PDGFD: variants seen among roughly 807,000 people sequenced by gnomAD.
The protein encoded by PDGFD is platelet derived growth factor D.
Under a neutral mutation model 44.7 loss-of-function variants are expected in PDGFD, and 30 were observed. That is an observed-to-expected ratio of 0.67 (90% CI 0.50 to 0.91). The LOEUF (loss-of-function observed/expected upper bound fraction) is 0.91, where lower values mean the gene tolerates loss of function less well. Ranked by LOEUF, PDGFD falls within the 40% of genes least tolerant of loss-of-function variation. PDGFD has a pLI of 0.00. For synonymous variants in PDGFD, 173 were observed against 168.4 expected, an observed-to-expected ratio of 1.03 and a Z score of -0.21; for missense variants, 445 against 457.8, an observed-to-expected ratio of 0.97 and a Z score of 0.25.
intron 1 of PDGFD, among the ~76,000 whole-genome samples, chr11:104,146,675 A>G (rs1200771774): frequency 6.6e-6 from 1 of 152,190 alleles, no homozygotes; most frequent in Non-Finnish European, 1.5e-5. Context: ...AAGCCTCATT[A>G]GCATCAAAGT....
At chr11:103,930,274 C>T (rs890147902) in intron 5 of PDGFD, among the ~76,000 whole-genome samples, 3 of 152,068 alleles carry the variant, frequency 2.0e-5, no homozygotes, top group Non-Finnish European at 4.4e-5. Context: ...TGCAGCCCTG[C>T]CTCTAGGTGC....
intron 5 of PDGFD, among the ~76,000 whole-genome samples, chr11:103,932,510 T>C (rs1858419768): frequency 6.6e-6 from 1 of 152,204 alleles, no homozygotes; most frequent in Admixed American, 6.5e-5. Context: ...GAAGCATCCA[T>C]ATTCAGGTGC....
chr11:103,930,958 C>T (rs1377164493), intron 5 of PDGFD, among the ~76,000 whole-genome samples: 1 of 152,182 alleles, frequency 6.6e-6, no homozygotes, highest in East Asian at 1.9e-4. Context: ...AATGCACACT[C>T]TTCCTTTTGT....
At chr11:104,103,568 T>C (rs901996683) in intron 1 of PDGFD, among the ~76,000 whole-genome samples, 6 of 150,790 alleles carry the variant, frequency 4.0e-5, no homozygotes, top group Non-Finnish European at 5.9e-5. Context: ...TGCACACATA[T>C]ACAGTCATAA....
intron 1 of PDGFD, among the ~76,000 whole-genome samples, chr11:104,093,444 C>T (rs1428365138): frequency 6.6e-6 from 1 of 152,098 alleles, no homozygotes; most frequent in Non-Finnish European, 1.5e-5. Flanking sequence ...TCTAGGCCTA[C>T]CCCTACAGTA....
At chr11:104,146,816 T>C (rs1179877953) in intron 1 of PDGFD, among the ~76,000 whole-genome samples, 6 of 151,992 alleles carry the variant, frequency 3.9e-5, no homozygotes, top group Non-Finnish European at 8.8e-5. Flanking sequence ...CAGGTACTAT[T>C]CCAGGAGCCA....
intron 1 of PDGFD, among the ~76,000 whole-genome samples, chr11:104,153,111 C>T (rs1862266463): frequency 6.6e-6 from 1 of 152,152 alleles, no homozygotes; most frequent in East Asian, 1.9e-4. Context: ...CTTCTCTTAT[C>T]TGCTCTTCCT....
In PDGFD at chr11:103,927,117, T is replaced by C; in HGVS notation, c.782A>G (p.Asp261Gly). 1 of 1,614,038 alleles carries C rather than the reference T, an allele frequency of 6.2e-7. No homozygotes were observed. Among genetic ancestry groups the C allele is most frequent in the Non-Finnish European group, 8.5e-7 (1 of 1,179,928 alleles). ...ACGCTTGGCATCATCATTGAGCCTA[T>C]CCAGGTCAACTGTAAGCAAATACAT... The part of the protein sequence containing the change: ...YHDRKSKVDL[D>G]RLNDDAKRYS... Residue 261 changes from aspartate to glycine, a missense_variant, in exon 6 of 7, where the codon GAT becomes GGT. Coordinates refer to ENST00000393158, the MANE Select transcript of PDGFD (RefSeq NM_025208.5).
chr11:104,133,773 T>C (rs1861958991), intron 1 of PDGFD, among the ~76,000 whole-genome samples: 1 of 152,158 alleles, frequency 6.6e-6, no homozygotes, highest in African/African-American at 2.4e-5. Context: ...AGTTCCAGTC[T>C]ATCAATTAAA....
At chr11:104,017,356 T>G (rs368424495) in intron 1 of PDGFD, among the ~76,000 whole-genome samples, 12 of 151,482 alleles carry the variant, frequency 7.9e-5, no homozygotes, top group East Asian at 3.8e-4. Flanking sequence ...CCGTTTTTTT[T>G]GTTTTTTTTT....
At chr11:104,119,652 TATATATA>T (rs1861734833) in intron 1 of PDGFD, among the ~76,000 whole-genome samples, 1 of 3,236 alleles carries the variant, frequency 3.1e-4, no homozygotes, top group Non-Finnish European at 0.017. Flanking sequence ...TATTAATAGA[TATATATA>T]ATTATATATC....
chr11:103,977,064 C>T (rs1366354757), intron 3 of PDGFD, among the ~76,000 whole-genome samples: 1 of 151,988 alleles, frequency 6.6e-6, no homozygotes, highest in East Asian at 1.9e-4. Flanking sequence ...CTAAAAACAC[C>T]TCTACGCAAA....
intron 1 of PDGFD, among the ~76,000 whole-genome samples, chr11:104,114,612 A>C (rs1313645299): frequency 6.6e-6 from 1 of 151,988 alleles, no homozygotes; most frequent in East Asian, 1.9e-4. Flanking sequence ...CTTTAGAATC[A>C]GTTTGCTGAT....
intron 1 of PDGFD, among the ~76,000 whole-genome samples, chr11:104,021,124 T>C (rs17421481): frequency 0.098 from 14,851 of 152,188 alleles, 830 homozygotes; most frequent in African/African-American, 0.16. Flanking sequence ...AGCAAAGGGT[T>C]CATGCAATGG....
Position 104,103,570 on chromosome 11 carries a change from C to G in PDGFD, c.124+60234G>C, listed in dbSNP as rs114963569. Among the ~76,000 whole-genome samples the G allele has an allele frequency of 2.1e-3, 309 of 150,356 alleles. 1 individual carries two copies. The highest frequency in any genetic ancestry group is 7.2e-3 in the African/African-American group (297 of 41,068). ...TGAAAATATTACATGCACACATATA[C>G]AGTCATAAACTGCATAACAACCATT... On this transcript the variant is annotated intron_variant, in intron 1 of 6. Transcript: ENST00000393158.
intron 3 of PDGFD, among the ~76,000 whole-genome samples, chr11:103,968,453 C>T (rs1421839654): frequency 2.0e-5 from 3 of 152,186 alleles, no homozygotes; most frequent in East Asian, 1.9e-4. Context: ...ACCTACTCAT[C>T]GTCGTCCTGT....
intron 1 of PDGFD, among the ~76,000 whole-genome samples, chr11:104,048,743 A>G (rs1039117787): frequency 1.3e-5 from 2 of 152,250 alleles, no homozygotes; most frequent in Admixed American, 6.5e-5. Flanking sequence ...CATTCAAAAA[A>G]TAGACACTGA....
chr11:104,120,574 A>C (rs79043013), intron 1 of PDGFD, among the ~76,000 whole-genome samples: 1 of 151,912 alleles, frequency 6.6e-6, no homozygotes, highest in Admixed American at 6.6e-5. Context: ...GCAGCCATCA[A>C]ACTATCTGCA....
intron 1 of PDGFD, among the ~76,000 whole-genome samples, chr11:104,142,319 G>T (rs1167081818): frequency 1.3e-5 from 2 of 151,698 alleles, no homozygotes; most frequent in African/African-American, 4.8e-5. Flanking sequence ...GTAAATATAT[G>T]TTTATATGAA....
Sources: allele counts gnomAD v4.1 joint callset (sites outside exome capture counted in the v4.1 genomes callset), GRCh38; gene constraint gnomAD v4.1.1; transcripts MANE v1.5; gene names NCBI Gene and HGNC (gene_info 2026-07-23, HGNC 2026-07-21).